KIAA1586: variants seen among roughly 807,000 people sequenced by gnomAD.
The protein encoded by KIAA1586 is E3 SUMO-protein ligase KIAA1586.
KIAA1586 carries 5 observed loss-of-function variants against 6.1 expected under a neutral mutation model. The ratio of observed to expected loss-of-function variants is 0.82; its 90% CI spans 0.43 to 1.73. The LOEUF (loss-of-function observed/expected upper bound fraction) is 1.73, where lower values mean the gene tolerates loss of function less well. Among genes scored for constraint, KIAA1586 ranks in the 40% most tolerant of loss-of-function variants. The probability of loss-of-function intolerance (pLI) is 0.02; values close to 1 mark genes in which losing one functional copy is unlikely to be tolerated. For missense variants in KIAA1586, 899 were observed against 878.2 expected (o/e 1.02, Z -0.30); for synonymous variants, 280 against 301.7 (o/e 0.93, Z 0.75).
downstream of KIAA1586, among the ~76,000 whole-genome samples, chr6:57,057,096 C>T (rs1309688455): frequency 6.6e-6 from 1 of 151,848 alleles, no homozygotes; most frequent in African/African-American, 2.4e-5. Context: ...GGCCTGGTGG[C>T]ATGCACCTGT....
At position 57,054,480 on chromosome 6, in the gene KIAA1586, A is replaced by G; in HGVS notation, c.1981A>G (p.Ile661Val). ...AAAAACATTATTTCATTTGTGTAAA[A>G]TTTTAAAATATGAAGTTGATTTGAA... ...GEKTLFHLCKILKYEVDLNDF... is the reference protein window; with the variant it reads ...GEKTLFHLCKVLKYEVDLNDF... Residue 661 changes from isoleucine to valine, a missense_variant, in exon 4 of 4, where the codon ATT (isoleucine) becomes GTT (valine). Physicochemically the swap from Ile to Val is conservative, Grantham distance 29. Transcript: ENST00000370733. 1 of 1,596,890 alleles carries G rather than the reference A, an allele frequency of 6.3e-7. No individual in the cohort carries two copies. The highest frequency in any genetic ancestry group is 2.2e-5 in the East Asian group (1 of 44,720).
intron 2 of KIAA1586, among the ~76,000 whole-genome samples, chr6:57,049,441 T>C (rs2127906624): frequency 6.6e-6 from 1 of 152,310 alleles, no homozygotes; most frequent in South Asian, 2.1e-4. Flanking sequence ...CCTTAGTCTT[T>C]TCATATAAAT....
intron 1 of KIAA1586, 81 bp downstream of exon 1, chr6:57,046,857 G>C: frequency 6.5e-7 from 1 of 1,549,022 alleles, no homozygotes; most frequent in Non-Finnish European, 8.8e-7. Flanking sequence ...GAGGCCTGGT[G>C]CTCCGTCGCA....
chr6:57,053,168 A>G lies in KIAA1586; in HGVS notation c.669A>G (p.Leu223=), dbSNP rs1828382205. The part of the protein sequence containing the change: ...SKAHGKIQDL[L]KESTNDSICN... ...CCCATGGTAAAATTCAGGATTTGTT[A>G]AAGGAATCAACTAATGATTCAATTT... is the stretch of plus-strand genomic sequence containing the variant. Residue 223 remains leucine, a synonymous_variant, in exon 4 of 4, where the codon TTA becomes TTG. Coordinates refer to ENST00000370733, the MANE Select transcript of KIAA1586 (RefSeq NM_020931.4). 1 of 1,609,562 alleles carries G rather than the reference A, an allele frequency of 6.2e-7. No individual in the cohort carries two copies. The highest frequency in any genetic ancestry group is 1.3e-5 in the African/African-American group (1 of 74,648).
chr6:57,046,849 G>A (rs1319784425), intron 1 of KIAA1586, 73 bp downstream of exon 1: 7 of 1,567,902 alleles, frequency 4.5e-6, no homozygotes, highest in African/African-American at 1.4e-5. Flanking sequence ...TGCGGTCTGA[G>A]GCCTGGTGCT....
At chr6:57,065,435 A>T in the KIAA1586 span, among the ~76,000 whole-genome samples, 10 of 151,102 alleles carry the variant, frequency 6.6e-5, no homozygotes, top group African/African-American at 2.4e-4. Context: ...GGCTGTTTTA[A>T]TGTTTTAATC....
At chr6:57,063,701 G>A in the KIAA1586 span, among the ~76,000 whole-genome samples, 13 of 152,038 alleles carry the variant, frequency 8.6e-5, no homozygotes, top group African/African-American at 2.7e-4. Context: ...CGATCTGCCC[G>A]CCTCAGCCTC....
Position 57,052,729 on chromosome 6 carries a change from A to AT in KIAA1586, c.236dup (p.Leu79PhefsTer13). 1 of 1,574,960 alleles carries AT rather than the reference A, an allele frequency of 6.3e-7. No individual in the cohort carries two copies. Among genetic ancestry groups the AT allele is most frequent in the East Asian group, 2.2e-5 (1 of 44,564 alleles). On this transcript the variant is annotated frameshift_variant, in exon 4 of 4. Transcript: ENST00000370733. LOFTEE classifies it low-confidence loss of function (END_TRUNC). ...CCAAAACGACAGGGTGATTTTTTGC[A>AT]TTTTTTAAATGTGAAGAAGGTGAAA...
At position 57,053,211 on chromosome 6, in the gene KIAA1586, C is replaced by CAA. The variant is rs1658495108; in HGVS notation, c.715_716dup (p.Asn239LysfsTer10). 6.3e-7 allele frequency: 1 copy of CAA among 1,598,478 alleles called. No homozygotes were observed. The highest frequency in any genetic ancestry group is 1.4e-5 in the African/African-American group (1 of 73,632). On this transcript the variant is annotated frameshift_variant, in exon 4 of 4. Coordinates refer to ENST00000370733, the MANE Select transcript of KIAA1586 (RefSeq NM_020931.4). LOFTEE classifies it low-confidence loss of function (END_TRUNC). ...TTCAATTTGTAATTTAGTGCATAAA[C>CAA]AAAATAATAAAAATATTGATGCTAC...
intron 2 of KIAA1586, among the ~76,000 whole-genome samples, chr6:57,048,718 T>C (rs961800196): frequency 2.0e-4 from 31 of 152,226 alleles, no homozygotes; most frequent in African/African-American, 7.5e-4. Context: ...TTGGGACAGA[T>C]GATCTTGATG....
chr6:57,065,695 C>G, the KIAA1586 span, among the ~76,000 whole-genome samples: 5 of 152,124 alleles, frequency 3.3e-5, 1 homozygote, highest in African/African-American at 1.2e-4. Flanking sequence ...CTACATTGCC[C>G]AGGCTGGTTG....
downstream of KIAA1586, among the ~76,000 whole-genome samples, chr6:57,056,066 C>T (rs1489109636): frequency 4.0e-5 from 6 of 151,542 alleles, no homozygotes; most frequent in African/African-American, 7.3e-5. Context: ...TTTTTTTTCC[C>T]GAGACAGAGT....
rs762162011 is a variant in KIAA1586, at chr6:57,054,540, TCAAA to T, written c.2045_2048del (p.Asn682MetfsTer14). ...GGAATTTGTAAATAATAATATAAAA[TCAAA>T]CAATGTTTCAATTCCTACAACTATA... On this transcript the variant is annotated frameshift_variant, in exon 4 of 4. Coordinates refer to ENST00000370733, the MANE Select transcript of KIAA1586 (RefSeq NM_020931.4). LOFTEE classifies it low-confidence loss of function (END_TRUNC). The T allele has an allele frequency of 2.1e-5, 34 of 1,600,238 alleles. No individual in the cohort carries two copies. Among genetic ancestry groups the T allele is most frequent in the African/African-American group, 4.1e-5 (3 of 74,030 alleles).
downstream of KIAA1586, among the ~76,000 whole-genome samples, chr6:57,056,109 C>T (rs990665913): frequency 1.1e-4 from 16 of 150,742 alleles, no homozygotes; most frequent in Admixed American, 8.6e-4. Flanking sequence ...AGTGCAATGG[C>T]GCAATCTTGG....
Position 57,053,355 on chromosome 6 carries a change from T to A in KIAA1586, c.856T>A (p.Tyr286Asn), listed in dbSNP as rs772946126. ...AGAGGTAAATTGTTTAAATACACGT[T>A]ACAGTGCAACAAGAATAGCAGAACA... ...NGEVNCLNTR[Y>N]SATRIAEHIA... The change falls in exon 4 of 4, where the codon TAC (tyrosine) becomes AAC (asparagine). Residue 286 changes from tyrosine (Y) to asparagine (N), a missense_variant. By Grantham distance (143) the Tyr-to-Asn change is moderately radical. Transcript: ENST00000370733. 4 of 1,612,468 alleles carry A rather than the reference T, an allele frequency of 2.5e-6. No individual in the cohort carries two copies. Among genetic ancestry groups the A allele is most frequent in the Non-Finnish European group, 3.4e-6 (4 of 1,179,124 alleles).
intron 3 of KIAA1586, among the ~76,000 whole-genome samples, chr6:57,051,204 C>T (rs1411786518): frequency 6.7e-6 from 1 of 150,086 alleles, no homozygotes; most frequent in African/African-American, 2.5e-5. Flanking sequence ...TGTGCTCTAC[C>T]CTGGGCAACA....
chr6:57,052,606 A>T, intron 3 of KIAA1586, 80 bp from the exon 4 acceptor site: 1 of 1,089,934 alleles, frequency 9.2e-7, no homozygotes, highest in Non-Finnish European at 1.3e-6. Flanking sequence ...TTCCAAAATT[A>T]GATAATCACT....
chr6:57,060,055 A>G (rs948695500), downstream of KIAA1586, among the ~76,000 whole-genome samples: 1 of 152,192 alleles, frequency 6.6e-6, no homozygotes, highest in Non-Finnish European at 1.5e-5. Flanking sequence ...AGGATTGACT[A>G]TTCTAAAGTT....
chr6:57,054,164 A>G lies in KIAA1586; in HGVS notation c.1665A>G (p.Lys555=), dbSNP rs1376286591. 1.3e-6 allele frequency: 2 copies of G among 1,588,724 alleles called. No individual in the cohort carries two copies. Among genetic ancestry groups the G allele is most frequent in the African/African-American group, 1.4e-5 (1 of 73,338 alleles). The change falls in exon 4 of 4, where the codon AAA becomes AAG. Residue 555 remains lysine, a synonymous_variant. Coordinates refer to ENST00000370733, the MANE Select transcript of KIAA1586 (RefSeq NM_020931.4). The stretch of plus-strand genomic sequence containing the variant: ...CAACTAATATTAAGAAAGCACAAAA[A>G]TTGATCAAACGTACCATAAGAGCTT... The part of the protein sequence containing the change: ...SRSTNIKKAQ[K]LIKRTIRALE...
Sources: gnomAD v4.1 joint callset for allele counts (sites outside exome capture counted in the v4.1 genomes callset) on GRCh38, gnomAD v4.1.1 for gene constraint, MANE v1.5 for transcripts, NCBI Gene and HGNC (gene_info 2026-07-23, HGNC 2026-07-21) for gene names.